The following FBXO22 variants were observed in gnomAD, a reference collection of about 807,000 sequenced individuals.
FBXO22 encodes F-box only protein 22.
FBXO22 carries 13 observed loss-of-function variants against 37.2 expected under a neutral mutation model. That is an observed-to-expected ratio of 0.35 (90% CI 0.23 to 0.56). The LOEUF (loss-of-function observed/expected upper bound fraction) is 0.56. Ranked by LOEUF, FBXO22 falls within the 20% of genes least tolerant of loss-of-function variation. FBXO22 has a pLI of 0.87. For synonymous variants in FBXO22, 189 were observed against 189.1 expected, an observed-to-expected ratio of 1.00 and a Z score of 0.00; for missense variants, 446 against 509.9, an observed-to-expected ratio of 0.87 and a Z score of 1.21.
rs1384518179 is a variant in FBXO22 at position 75,930,743 on chromosome 15, T to C, written c.794+694T>C. Reference sequence around the variant, plus strand: ...AACAATTAGGTGGACATAAATATCATTTGTTTCCAGCAGGAAAATCAGACC... The same window carrying C: ...AACAATTAGGTGGACATAAATATCACTTGTTTCCAGCAGGAAAATCAGACC... On this transcript the variant is annotated intron_variant, in intron 6 of 6. Coordinates refer to ENST00000308275, the MANE Select transcript of FBXO22 (RefSeq NM_147188.3). 8 of 985,348 alleles carry C rather than the reference T, an allele frequency of 8.1e-6. No individual in the cohort carries two copies. The East Asian group carries it at 3.4e-4, about 42-fold the overall frequency. 61.0% of individuals were successfully genotyped at this position (985,348 alleles called of 1,614,324 possible). A position where few individuals can be genotyped will look rare whatever the true frequency, so the allele number is the denominator to read the frequency against.
At chr15:75,907,092 T>C (rs1899946303) in intron 2 of FBXO22, among the ~76,000 whole-genome samples, 1 of 152,164 alleles carries the variant, frequency 6.6e-6, no homozygotes, top group Non-Finnish European at 1.5e-5. Flanking sequence ...GTTTTCAAAT[T>C]TTTACCACAG....
At position 75,936,892 on chromosome 15, in the gene FBXO22, A is replaced by G. The variant is rs1460286459; in HGVS notation, c.*3790A>G. The G allele has an allele frequency of 3.9e-5, 6 of 152,166 alleles. No homozygotes were observed. The highest frequency in any genetic ancestry group is 3.9e-4 in the Admixed American group (6 of 15,276). The allele number at this position is 152,166 out of a possible 1,614,324, so 9.4% of individuals were successfully genotyped here. On this transcript the variant is annotated 3_prime_UTR_variant, in exon 7 of 7. Transcript: ENST00000308275. The stretch of plus-strand genomic sequence containing the variant: ...CCAGCTGGAAACTTTCATTTCTTAA[A>G]ACAGATTTATAAAAGTTTTTGCTAT...
chr15:75,915,628 G>A (rs1214575907), intron 4 of FBXO22, among the ~76,000 whole-genome samples: 3 of 151,960 alleles, frequency 2.0e-5, no homozygotes, highest in African/African-American at 4.8e-5. Context: ...TTGGCCAGGC[G>A]CAGTGGCTCA....
intron 6 of FBXO22, among the ~76,000 whole-genome samples, chr15:75,931,602 T>G (rs1389617565): frequency 6.6e-6 from 1 of 152,258 alleles, no homozygotes. Context: ...TTTTTGCGTC[T>G]TAGTTTCTCA....
rs762572053 is a variant in FBXO22 at position 75,904,458 on chromosome 15, C to T, written c.141-33C>T. On this transcript the variant is annotated intron_variant, in intron 1 of 6. Coordinates refer to ENST00000308275, the MANE Select transcript of FBXO22 (RefSeq NM_147188.3). ...TGTGGGAGAGACGAAAATGAACGTC[C>T]GTTCGCAATCCTTTGTGCGTTTGCG... 1.9e-6 allele frequency: 3 copies of T among 1,612,732 alleles called. No homozygotes were observed. In the African/African-American group the frequency reaches 4.0e-5, roughly 22 times the overall value.
At chr15:75,917,474 A>G (rs1050468306) in intron 5 of FBXO22, 80 bp downstream of exon 5, 1 of 1,045,928 alleles carries the variant, frequency 9.6e-7, no homozygotes, top group Non-Finnish European at 1.4e-6. Context: ...TAGTTGGTGG[A>G]TATTAGGTTC....
intron 6 of FBXO22, among the ~76,000 whole-genome samples, chr15:75,932,331 A>T (rs1341454034): frequency 6.6e-6 from 1 of 152,174 alleles, no homozygotes; most frequent in Non-Finnish European, 1.5e-5. Context: ...CGTTTAGTGG[A>T]TATCTTTGTG....
chr15:75,930,085 G>A, intron 6 of FBXO22, 36 bp downstream of exon 6: 1 of 1,613,332 alleles, frequency 6.2e-7, no homozygotes, highest in Non-Finnish European at 8.5e-7. Flanking sequence ...GTCTGTGAAT[G>A]AAGGGAAATG....
At position 75,933,317 on chromosome 15, in the gene FBXO22, A is replaced by T; in HGVS notation, c.*215A>T. ...CTGACTAGGAGTTGAGAGCTTTTGC[A>T]TCAGGCAGAAGCAAACTGATTATAG... On this transcript the variant is annotated 3_prime_UTR_variant, in exon 7 of 7. Coordinates refer to ENST00000308275, the MANE Select transcript of FBXO22 (RefSeq NM_147188.3). 2 of 504,578 alleles carry T rather than the reference A, an allele frequency of 4.0e-6. No individual in the cohort carries two copies. The highest frequency in any genetic ancestry group is 7.0e-6 in the Non-Finnish European group (2 of 285,456). 31.3% of individuals were successfully genotyped at this position (504,578 alleles called of 1,614,324 possible).
rs1338962548 is a variant in FBXO22, at chr15:75,942,329, AGAGT to A, written c.*9231_*9234del. ...ACAGGCTTCAGCTAGCCTGGATGAC[AGAGT>A]GAGACTTTGTCTCAAAAAGTAAAGT... On this transcript the variant is annotated 3_prime_UTR_variant, in exon 7 of 7. Transcript: ENST00000308275. 6.6e-6 allele frequency: 1 copy of A among 152,194 alleles called. No individual in the cohort carries two copies. Among genetic ancestry groups the A allele is most frequent in the Non-Finnish European group, 1.5e-5 (1 of 68,042 alleles). 9.4% of individuals were successfully genotyped at this position (152,194 alleles called of 1,614,324 possible).
chr15:75,913,274 T>C lies in FBXO22; in HGVS notation c.351T>C (p.Cys117=). The change falls in exon 3 of 7, where the codon TGT becomes TGC. Residue 117 remains cysteine, a synonymous_variant. Coordinates refer to ENST00000308275, the MANE Select transcript of FBXO22 (RefSeq NM_147188.3). ...AAACTTTCATTAGTCTGGAAGAGTG[T>C]CGTGGCCATAAGAGAGGTAAATATC... ...DSETFISLEE[C]RGHKRARKRT... is the part of the protein sequence containing the mutation. 6.2e-7 allele frequency: 1 copy of C among 1,609,334 alleles called. No individual in the cohort carries two copies. Among genetic ancestry groups the C allele is most frequent in the Non-Finnish European group, 8.5e-7 (1 of 1,177,322 alleles).
chr15:75,913,182 A>ATTTTTTTTTT (rs367627596), intron 2 of FBXO22, 21 bp from the exon 3 acceptor site: 23 of 1,178,216 alleles, frequency 2.0e-5, no homozygotes, highest in East Asian at 3.0e-5. Context: ...TCCAATTCCA[A>ATTTTTTTTTT]TTTTTTTTTT....
Position 75,917,275 on chromosome 15 carries a change from T to C in FBXO22, c.509T>C (p.Ile170Thr), listed in dbSNP as rs1900212181. ...SGSNRPQEIE[I>T]GESGFALLFP... ...AGCAATCGACCTCAGGAAATAGAAA[T>C]TGGAGAATCTGGTTTTGCTTTATTA... is the stretch of plus-strand genomic sequence containing the variant. Residue 170 changes from isoleucine to threonine, a missense_variant, in exon 5 of 7, where the codon ATT becomes ACT. By Grantham distance (89) the Ile-to-Thr change is moderately conservative (BLOSUM62 -1). Around this residue, in one of 2 missense-constraint regions of FBXO22, gnomAD observed 315 missense variants for 410.1 expected, o/e 0.77. Coordinates refer to ENST00000308275, the MANE Select transcript of FBXO22 (RefSeq NM_147188.3). 1.2e-6 allele frequency: 2 copies of C among 1,612,744 alleles called. No homozygotes were observed. Among genetic ancestry groups the C allele is most frequent in the Non-Finnish European group, 8.5e-7 (1 of 1,179,502 alleles).
Position 75,936,095 on chromosome 15 carries a change from G to C in FBXO22, c.*2993G>C, listed in dbSNP as rs913071480. On this transcript the variant is annotated 3_prime_UTR_variant, in exon 7 of 7. Transcript: ENST00000308275. ...AGCCACTGCGCCCAGCCACAAATCT[G>C]AGAACTTTCTATGCAATCTGCAGAA... The C allele has an allele frequency of 2.6e-5, 4 of 152,064 alleles. No homozygotes were observed. The highest frequency in any genetic ancestry group is 9.7e-5 in the African/African-American group (4 of 41,416). 9.4% of individuals were successfully genotyped at this position (152,064 alleles called of 1,614,324 possible). A position where few individuals can be genotyped will look rare whatever the true frequency, so the allele number is the denominator to read the frequency against.
chr15:75,931,476 A>G (rs2030010035), intron 6 of FBXO22, among the ~76,000 whole-genome samples: 1 of 152,226 alleles, frequency 6.6e-6, no homozygotes, highest in South Asian at 2.1e-4. Context: ...ACAATTCTGT[A>G]CCAAAGAGGA....
At chr15:75,918,718 G>A (rs1300801122) in intron 5 of FBXO22, among the ~76,000 whole-genome samples, 1 of 152,192 alleles carries the variant, frequency 6.6e-6, no homozygotes, top group Non-Finnish European at 1.5e-5. Flanking sequence ...GAACCTGGAG[G>A]ATGTTAAGTG....
chr15:75,923,841 A>AG (rs1900382567), intron 5 of FBXO22, among the ~76,000 whole-genome samples: 2 of 152,178 alleles, frequency 1.3e-5, no homozygotes, highest in African/African-American at 4.8e-5. Flanking sequence ...AGCTTGGAGC[A>AG]GGGCAGTGGT....
intron 2 of FBXO22, chr15:75,905,441 C>T (rs959645488): frequency 6.6e-6 from 1 of 152,216 alleles, no homozygotes; most frequent in African/African-American, 2.4e-5. Flanking sequence ...TGGAAGGGAA[C>T]CATTTGACAG....
chr15:75,919,280 A>G (rs981938424), intron 5 of FBXO22, among the ~76,000 whole-genome samples: 1 of 152,100 alleles, frequency 6.6e-6, no homozygotes, highest in African/African-American at 2.4e-5. Flanking sequence ...CCCATATACT[A>G]TATTCTTGAA....
Sources: allele counts gnomAD v4.1 joint callset (sites outside exome capture counted in the v4.1 genomes callset), GRCh38; gene constraint gnomAD v4.1.1; regional missense constraint gnomAD v4.1.1; transcripts MANE v1.5; gene names NCBI Gene and HGNC (gene_info 2026-07-23, HGNC 2026-07-21).